Variants in SDK1 observed in about 807,000 individuals in gnomAD.
SDK1 encodes sidekick cell adhesion molecule 1, also known as protein sidekick-1.
In SDK1, 157 loss-of-function variants were observed where a neutral mutation model predicts 245.5. The observed-to-expected ratio is 0.64, with a 90% CI of 0.56 to 0.73. The LOEUF (loss-of-function observed/expected upper bound fraction) is 0.73. Among genes scored for constraint, SDK1 ranks in the 30% least tolerant of loss-of-function variants. The probability of loss-of-function intolerance (pLI) is 0.00; values close to 1 mark genes in which losing one functional copy is unlikely to be tolerated. For synonymous variants in SDK1, 1,647 were observed against 1,278.5 expected (o/e 1.29, Z -6.15); for missense variants, 3,583 against 3,002.3 (o/e 1.19, Z -4.52).
chr7:3,904,497 C>T (rs1359762470), intron 5 of SDK1, among the ~76,000 whole-genome samples: 2 of 151,920 alleles, frequency 1.3e-5, no homozygotes, highest in Non-Finnish European at 2.9e-5. Flanking sequence ...AGTTCAAGAG[C>T]AGCCTGAGCA....
intron 1 of SDK1, among the ~76,000 whole-genome samples, chr7:3,398,517 C>G (rs1233981567): frequency 1.3e-5 from 2 of 151,886 alleles, no homozygotes; most frequent in African/African-American, 4.8e-5. Context: ...AAGTAGTTTC[C>G]CTTGGGAGAA....
intron 1 of SDK1, chr7:3,338,497 G>A (rs183169481): frequency 3.3e-5 from 16 of 480,888 alleles, no homozygotes; most frequent in East Asian, 2.7e-4. Context: ...ATGTACCAGG[G>A]TTCAGCTGAA....
chr7:4,087,477 G>A lies in SDK1; in HGVS notation c.3324+7893G>A, dbSNP rs73042434. Among the ~76,000 whole-genome samples the A allele has an allele frequency of 7.2e-3, 714 of 98,636 alleles. 6 individuals are homozygous for A. Among genetic ancestry groups the A allele is most frequent in the Non-Finnish European group, 0.011 (564 of 53,050 alleles). 64.7% of individuals were successfully genotyped at this position (98,636 alleles called of 152,430 possible). On this transcript the variant is annotated intron_variant, in intron 22 of 44. Coordinates refer to ENST00000404826, the MANE Select transcript of SDK1 (RefSeq NM_152744.4). The stretch of plus-strand genomic sequence containing the variant: ...AATGTGTGTGCACAGACACACACGC[G>A]CGCACACACACACACACACACGCAT...
chr7:3,313,021 A>C (rs977715085), intron 1 of SDK1, among the ~76,000 whole-genome samples: 1 of 152,230 alleles, frequency 6.6e-6, no homozygotes, highest in Non-Finnish European at 1.5e-5. Context: ...TGTTCATAGC[A>C]GAAGATGATT....
intron 37 of SDK1, among the ~76,000 whole-genome samples, chr7:4,209,478 G>C (rs1784402315): frequency 6.6e-6 from 1 of 152,194 alleles, no homozygotes; most frequent in Non-Finnish European, 1.5e-5. Flanking sequence ...ACCTTCAGTA[G>C]CTCTAGATAT....
At chr7:3,495,837 C>T (rs1782009366) in intron 1 of SDK1, among the ~76,000 whole-genome samples, 2 of 152,186 alleles carry the variant, frequency 1.3e-5, no homozygotes. Context: ...GGTGCTCCTA[C>T]AAAACGCTAG....
chr7:3,403,575 A>G lies in SDK1; in HGVS notation c.298+101691A>G, dbSNP rs61446761. Among the ~76,000 whole-genome samples, 926 of 151,948 alleles carry G rather than the reference A, an allele frequency of 6.1e-3. 11 individuals carry two copies. Among genetic ancestry groups the G allele is most frequent in the African/African-American group, 0.021 (863 of 41,438 alleles). On this transcript the variant is annotated intron_variant, in intron 1 of 44. Coordinates refer to ENST00000404826, the MANE Select transcript of SDK1 (RefSeq NM_152744.4). Reference sequence around the variant, plus strand: ...AAGTTTATTTGCACCTATGAGAAAGATGACAGGTAATATCTAGATATCTGA... The same window carrying G: ...AAGTTTATTTGCACCTATGAGAAAGGTGACAGGTAATATCTAGATATCTGA...
At chr7:3,469,633 C>CCTTTGTAAAGA (rs1268078135) in intron 1 of SDK1, among the ~76,000 whole-genome samples, 2 of 152,110 alleles carry the variant, frequency 1.3e-5, no homozygotes, top group Non-Finnish European at 2.9e-5. Context: ...TATCCAATGA[C>CCTTTGTAAAGA]CTTTGTAAAG....
At chr7:3,360,219 T>A (rs573988993) in intron 1 of SDK1, among the ~76,000 whole-genome samples, 3 of 152,332 alleles carry the variant, frequency 2.0e-5, no homozygotes, top group South Asian at 2.1e-4. Flanking sequence ...CACTAGTCAC[T>A]ATATTCCTGG....
intron 1 of SDK1, among the ~76,000 whole-genome samples, chr7:3,555,718 C>T (rs1387236092): frequency 6.6e-6 from 1 of 151,948 alleles, no homozygotes; most frequent in Non-Finnish European, 1.5e-5. Flanking sequence ...TCAAGCAACT[C>T]TATAGGAAAA....
intron 1 of SDK1, among the ~76,000 whole-genome samples, chr7:3,414,636 G>A (rs376730793): frequency 1.2e-4 from 19 of 152,136 alleles, no homozygotes; most frequent in African/African-American, 4.6e-4. Flanking sequence ...TTGCACAATT[G>A]TGATTTTTCA....
chr7:3,683,694 G>A (rs1179174816), intron 4 of SDK1, among the ~76,000 whole-genome samples: 4 of 152,220 alleles, frequency 2.6e-5, no homozygotes, highest in Non-Finnish European at 5.9e-5. Context: ...GCTGCCTGGG[G>A]ACCTTGGGAC....
chr7:4,186,627 C>G (rs890219539), intron 35 of SDK1, among the ~76,000 whole-genome samples: 4 of 152,252 alleles, frequency 2.6e-5, no homozygotes, highest in African/African-American at 9.6e-5. Context: ...AGCTGGGAAG[C>G]TGGGTTGGGG....
chr7:3,411,197 T>C (rs1779189768), intron 1 of SDK1, among the ~76,000 whole-genome samples: 1 of 152,076 alleles, frequency 6.6e-6, no homozygotes, highest in African/African-American at 2.4e-5. Context: ...GCCGGGAAGA[T>C]AAGAGGAAGA....
At chr7:3,312,569 G>T (rs1562406357) in intron 1 of SDK1, among the ~76,000 whole-genome samples, 1 of 150,966 alleles carries the variant, frequency 6.6e-6, no homozygotes, top group Non-Finnish European at 1.5e-5. Flanking sequence ...GTCATTAAGT[G>T]TTTTTTTTTA....
Position 4,194,406 on chromosome 7 carries a change from G to A in SDK1, c.5099-11473G>A, listed in dbSNP as rs553737021. 1.8e-5 allele frequency among the ~76,000 whole-genome samples: 2 copies of A among 110,880 alleles called. 1 individual carries two copies. Among genetic ancestry groups the A allele is most frequent in the African/African-American group, 8.2e-5 (2 of 24,286 alleles). The allele number at this position is 110,880 out of a possible 152,430, so 72.7% of individuals were successfully genotyped here. ...TGTATACATGTATACATATATGTAT[G>A]CACATATGTGTATACATGTATACGT... is the stretch of plus-strand genomic sequence containing the variant. On this transcript the variant is annotated intron_variant, in intron 35 of 44. Transcript: ENST00000404826.
rs775555662 is a variant in SDK1, at chr7:4,174,355, C to T, written c.4934C>T (p.Thr1645Ile). The T allele has an allele frequency of 6.2e-7, 1 of 1,613,706 alleles. No homozygotes were observed. The highest frequency in any genetic ancestry group is 8.5e-7 in the Non-Finnish European group (1 of 1,179,676). ...CCTATAGCTTTACATGCTGAGCTCA[C>T]AGGTGAGACTGTCCCCTCTGTCCTG... ...KNPIALHAEL[T>I]AQSSFKTVNS... is the part of the protein sequence containing the mutation. The change falls in exon 33 of 45, where the codon ACA (threonine) becomes ATA (isoleucine). Residue 1645 changes from threonine (T) to isoleucine (I), a missense_variant and splice_region_variant. Physicochemically the swap from Thr to Ile is moderately conservative, Grantham distance 89. Coordinates refer to ENST00000404826, the MANE Select transcript of SDK1 (RefSeq NM_152744.4).
chr7:3,788,913 G>T (rs1780994772), intron 4 of SDK1, among the ~76,000 whole-genome samples: 1 of 152,206 alleles, frequency 6.6e-6, no homozygotes, highest in African/African-American at 2.4e-5. Context: ...GAAGACCTGG[G>T]CATGGGATGG....
intron 4 of SDK1, among the ~76,000 whole-genome samples, chr7:3,673,554 G>T (rs1261898686): frequency 6.6e-6 from 1 of 152,186 alleles, no homozygotes; most frequent in East Asian, 1.9e-4. Context: ...GTTATTACAT[G>T]AGTTTATTAA....
Sources: allele counts gnomAD v4.1 joint callset (sites outside exome capture counted in the v4.1 genomes callset), GRCh38; gene constraint gnomAD v4.1.1; transcripts MANE v1.5; gene names NCBI Gene and HGNC (gene_info 2026-07-23, HGNC 2026-07-21).